Variants in RYR3 observed in about 807,000 individuals in gnomAD.
RYR3 encodes the protein ryanodine receptor 3, also known as brain ryanodine receptor-calcium release channel.
Under a neutral mutation model 584.3 loss-of-function variants are expected in RYR3, and 207 were observed. The ratio of observed to expected loss-of-function variants is 0.35; its 90% CI spans 0.32 to 0.40. The LOEUF (loss-of-function observed/expected upper bound fraction) is 0.40, where lower values mean the gene tolerates loss of function less well. Among genes scored for constraint, RYR3 ranks in the 10% least tolerant of loss-of-function variants. The pLI is 1.00. For synonymous variants in RYR3, 2,416 were observed against 2,248.5 expected (o/e 1.07, Z -2.11); for missense variants, 5,616 against 6,089.2 (o/e 0.92, Z 2.59).
In RYR3 at chr15:33,699,685, T is replaced by A. The variant is rs771209378; in HGVS notation, c.6250-19T>A. The A allele has an allele frequency of 7.5e-6, 12 of 1,610,270 alleles. No individual in the cohort carries two copies. The East Asian group carries it at 8.9e-5, about 12-fold the overall frequency. On this transcript the variant is annotated intron_variant, in intron 40 of 103. Transcript: ENST00000634891. ...CATGATAGATTCTTTTGTCTGACAC[T>A]TTCTACTTCTCCCTACAGATTGCAT...
intron 3 of RYR3, among the ~76,000 whole-genome samples, chr15:33,521,162 A>G (rs1250542586): frequency 1.3e-5 from 2 of 151,858 alleles, no homozygotes; most frequent in Non-Finnish European, 2.9e-5. Context: ...TCTCGTTTGC[A>G]GTCTCCAACC....
chr15:33,725,992 A>AT lies in RYR3; in HGVS notation c.6913-394_6913-393insT, dbSNP rs1567034148. On this transcript the variant is annotated intron_variant, in intron 45 of 103. Transcript: ENST00000634891. ...CCCCCCCCCCAAAAAAAAAAAAAAA[A>AT]AAAAACAGAATTCTAGAGTCTGGCA... Among the ~76,000 whole-genome samples the AT allele has an allele frequency of 7.4e-4, 105 of 141,760 alleles. 12 individuals are homozygous for AT. The highest frequency in any genetic ancestry group is 2.5e-3 in the African/African-American group (98 of 38,924). 93.0% of individuals were successfully genotyped at this position (141,760 alleles called of 152,430 possible).
In RYR3 at chr15:33,659,954, T is replaced by C. The variant is rs564143995; in HGVS notation, c.4395+148T>C. The C allele has an allele frequency of 1.8e-5, 12 of 656,354 alleles. No homozygotes were observed. The African/African-American group carries it at 2.0e-4, about 11-fold the overall frequency. 40.7% of individuals were successfully genotyped at this position (656,354 alleles called of 1,614,324 possible). On this transcript the variant is annotated intron_variant, in intron 33 of 103. Transcript: ENST00000634891. ...CCAGGCCCTGCCCTTTCCTGTGGCA[T>C]TCAGATGGTAGAATATGCATTCTTA...
At chr15:33,587,164 G>T (rs1314402832) in intron 16 of RYR3, among the ~76,000 whole-genome samples, 1 of 152,194 alleles carries the variant, frequency 6.6e-6, no homozygotes, top group Non-Finnish European at 1.5e-5. Flanking sequence ...ATAATAAAAA[G>T]AAATACATGG....
chr15:33,708,135 G>A (rs1033891848), intron 43 of RYR3, among the ~76,000 whole-genome samples: 5 of 152,020 alleles, frequency 3.3e-5, no homozygotes, highest in African/African-American at 1.2e-4. Flanking sequence ...TCTCTTGAGG[G>A]CAGTTTTAGA....
At chr15:33,794,835 G>T (rs1473722779) in intron 67 of RYR3, among the ~76,000 whole-genome samples, 1 of 152,142 alleles carries the variant, frequency 6.6e-6, no homozygotes. Flanking sequence ...GCCTTGGCAG[G>T]GTTGTTAGAG....
rs2056497109 is a variant in RYR3, at chr15:33,549,341, C to G, written c.816-819C>G. ...AACATGAAGAATTCAAGCCTTTTAT[C>G]AATGCGATTTGGATTTATTGATGCT... On this transcript the variant is annotated intron_variant, in intron 9 of 103. Coordinates refer to ENST00000634891, the MANE Select transcript of RYR3 (RefSeq NM_001036.6). Among the ~76,000 whole-genome samples, 3 of 152,164 alleles carry G rather than the reference C, an allele frequency of 2.0e-5. No individual in the cohort carries two copies. The South Asian group carries it at 6.2e-4, about 32-fold the overall frequency.
At chr15:33,680,406 C>T (rs948341329) in intron 38 of RYR3, among the ~76,000 whole-genome samples, 1 of 152,194 alleles carries the variant, frequency 6.6e-6, no homozygotes, top group Non-Finnish European at 1.5e-5. Context: ...CTGAGTTCAT[C>T]CAGTGGCTCT....
At chr15:33,476,069 AT>A (rs2049345328) in intron 2 of RYR3, among the ~76,000 whole-genome samples, 1 of 152,226 alleles carries the variant, frequency 6.6e-6, no homozygotes, top group South Asian at 2.1e-4. Flanking sequence ...ACAAGGTCTG[AT>A]TTTGTGTAAA....
chr15:33,707,139 G>C, intron 43 of RYR3, 85 bp downstream of exon 43: 2 of 1,481,958 alleles, frequency 1.3e-6, no homozygotes. Flanking sequence ...CCTTTCCATT[G>C]CTTCTTATCT....
Position 33,601,547 on chromosome 15 carries a change from A to C in RYR3, c.1917A>C (p.Val639=). ...TGCAGACACGACTGATTAACGATGT[A>C]ACCAGGTAAGGCCACCACCACCATT... ...LLLQTRLIND[V]TSIRPNIFLG... Residue 639 remains valine, a synonymous_variant, in exon 17 of 104, where the codon GTA becomes GTC. Coordinates refer to ENST00000634891, the MANE Select transcript of RYR3 (RefSeq NM_001036.6). 1 of 1,613,750 alleles carries C rather than the reference A, an allele frequency of 6.2e-7. No individual in the cohort carries two copies. The highest frequency in any genetic ancestry group is 1.7e-5 in the Admixed American group (1 of 60,020).
intron 43 of RYR3, among the ~76,000 whole-genome samples, chr15:33,718,717 C>A (rs2067678464): frequency 6.6e-6 from 1 of 152,152 alleles, no homozygotes; most frequent in South Asian, 2.1e-4. Flanking sequence ...TGCTAACTGT[C>A]CCTGTGGTGG....
chr15:33,501,464 C>T (rs1225966667), intron 2 of RYR3, among the ~76,000 whole-genome samples: 1 of 152,152 alleles, frequency 6.6e-6, no homozygotes, highest in Non-Finnish European at 1.5e-5. Flanking sequence ...AATGTTGTGA[C>T]CATTTAATTT....
intron 22 of RYR3, 102 bp downstream of exon 22, chr15:33,630,145 C>A: frequency 1.6e-6 from 1 of 638,318 alleles, no homozygotes; most frequent in Non-Finnish European, 2.7e-6. Context: ...AAACGTGGCA[C>A]ATTCTGATAA....
intron 13 of RYR3, among the ~76,000 whole-genome samples, chr15:33,581,223 C>G (rs1595697490): frequency 6.6e-6 from 1 of 152,304 alleles, no homozygotes; most frequent in East Asian, 1.9e-4. Context: ...CACCCTCCCT[C>G]TTCCTAAGTA....
intron 12 of RYR3, among the ~76,000 whole-genome samples, chr15:33,570,262 G>A (rs551830564): frequency 6.6e-6 from 1 of 152,172 alleles, no homozygotes; most frequent in African/African-American, 2.4e-5. Context: ...ATAGTATGAG[G>A]TAAAGGTTTA....
In RYR3 at chr15:33,813,552, G is replaced by C. The variant is rs549257700; in HGVS notation, c.10475G>C (p.Arg3492Thr). The part of the protein sequence containing the change: ...QRKRAVVACF[R>T]MAPLYNLPRH... ...AAACGGGCAGTGGTGGCCTGTTTCA[G>C]GATGGCCCCTCTCTACAACCTGCCC... The change falls in exon 74 of 104, where the codon AGG (arginine) becomes ACG (threonine). Residue 3492 changes from arginine (R) to threonine (T), a missense_variant. Coordinates refer to ENST00000634891, the MANE Select transcript of RYR3 (RefSeq NM_001036.6). 6.2e-7 allele frequency: 1 copy of C among 1,613,988 alleles called. No individual in the cohort carries two copies. The highest frequency in any genetic ancestry group is 2.2e-5 in the East Asian group (1 of 44,888).
intron 38 of RYR3, among the ~76,000 whole-genome samples, chr15:33,682,808 A>T (rs1296395617): frequency 6.6e-6 from 1 of 152,132 alleles, no homozygotes; most frequent in Non-Finnish European, 1.5e-5. Context: ...AATCCTAGAG[A>T]TGCAACAAGG....
intron 12 of RYR3, among the ~76,000 whole-genome samples, chr15:33,571,510 T>C (rs984260378): frequency 6.6e-6 from 1 of 152,192 alleles, no homozygotes; most frequent in Non-Finnish European, 1.5e-5. Flanking sequence ...ATAATAGATA[T>C]ATATTTCTGA....
Sources: allele counts gnomAD v4.1 joint callset (sites outside exome capture counted in the v4.1 genomes callset), GRCh38; gene constraint gnomAD v4.1.1; transcripts MANE v1.5; gene names NCBI Gene and HGNC (gene_info 2026-07-23, HGNC 2026-07-21).